The following UNC5A variants were observed in gnomAD, a reference collection of about 807,000 sequenced individuals.
UNC5A encodes netrin receptor UNC5A.
Under a neutral mutation model 87.4 loss-of-function variants are expected in UNC5A, and 20 were observed. The observed-to-expected ratio is 0.23, with a 90% CI of 0.16 to 0.33. The LOEUF (loss-of-function observed/expected upper bound fraction) is 0.33, where lower values mean the gene tolerates loss of function less well. UNC5A is among the 10% of genes least tolerant of loss of function. The pLI is 1.00. For missense variants in UNC5A, 844 were observed against 1,133.4 expected, an observed-to-expected ratio of 0.74 and a Z score of 3.67; for synonymous variants, 438 against 482.3, an observed-to-expected ratio of 0.91 and a Z score of 1.20.
At chr5:176,818,239 C>G (rs1489930795) in intron 1 of UNC5A, among the ~76,000 whole-genome samples, 1 of 152,180 alleles carries the variant, frequency 6.6e-6, no homozygotes, top group Non-Finnish European at 1.5e-5. Context: ...GTCCCCATAA[C>G]CCGAGCACCT....
rs1757265288 is a variant in UNC5A at position 176,841,084 on chromosome 5, G to A, written c.71-21540G>A. 6.6e-6 allele frequency among the ~76,000 whole-genome samples: 1 copy of A among 152,226 alleles called. No homozygotes were observed. The highest frequency in any genetic ancestry group is 2.1e-4 in the South Asian group (1 of 4,830). On this transcript the variant is annotated intron_variant, in intron 1 of 14. Coordinates refer to ENST00000329542, the MANE Select transcript of UNC5A (RefSeq NM_133369.3). This position sits in a 1 kb window ranked among gnomAD's most constrained non-coding sequence, Gnocchi z 4.1. ...GACTTGGTCATGCATTGAAAGCTGT[G>A]GCAGGCAACGGGAGTGTCAGAAACT...
chr5:176,827,573 T>C (rs1180574615), intron 1 of UNC5A, among the ~76,000 whole-genome samples: 2 of 152,212 alleles, frequency 1.3e-5, no homozygotes, highest in African/African-American at 4.8e-5. Flanking sequence ...ATTTGGGTCG[T>C]TTCTACCTTT....
chr5:176,820,908 G>T (rs1756711496), intron 1 of UNC5A, among the ~76,000 whole-genome samples: 1 of 152,168 alleles, frequency 6.6e-6, no homozygotes, highest in African/African-American at 2.4e-5. Context: ...TGCTCTTTAA[G>T]CTTCTGTTCC....
rs1757973035 is a variant in UNC5A, at chr5:176,866,298, C to T, written c.293-1832C>T. 6.6e-6 allele frequency among the ~76,000 whole-genome samples: 1 copy of T among 152,144 alleles called. No homozygotes were observed. The highest frequency in any genetic ancestry group is 1.5e-5 in the Non-Finnish European group (1 of 68,020). ...CAGCCCCCGCCTCAGGCACTGCCCT[C>T]CAGGAGCTTGTGGGGCTGAAGGGCA... is the stretch of plus-strand genomic sequence containing the variant. On this transcript the variant is annotated intron_variant, in intron 2 of 14. Coordinates refer to ENST00000329542, the MANE Select transcript of UNC5A (RefSeq NM_133369.3). This position sits in a 1 kb window ranked among gnomAD's most constrained non-coding sequence, Gnocchi z 5.0.
At chr5:176,853,586 T>C (rs937975342) in intron 1 of UNC5A, among the ~76,000 whole-genome samples, 1 of 152,194 alleles carries the variant, frequency 6.6e-6, no homozygotes, top group Non-Finnish European at 1.5e-5. Flanking sequence ...CACGTTACTA[T>C]GGAAACCAGA....
In UNC5A at chr5:176,877,918, G is replaced by A. The variant is rs1162836625; in HGVS notation, c.1660G>A (p.Ala554Thr). 3 of 1,602,384 alleles carry A rather than the reference G, an allele frequency of 1.9e-6. No homozygotes were observed. Among genetic ancestry groups the A allele is most frequent in the South Asian group, 1.1e-5 (1 of 90,990 alleles). The change falls in exon 11 of 15, where the codon GCG (alanine) becomes ACG (threonine). Residue 554 changes from alanine to threonine, a missense_variant. This residue lies in a region of UNC5A where 353 missense variants were observed against 387.5 expected (regional missense o/e 0.91). Transcript: ENST00000329542. ...GGATGTGCTGCACCTGGGCGAGGAG[G>A]CGCCCTCCCACCTCTACTACTGCCA... ...WEDVLHLGEE[A>T]PSHLYYCQLE...
chr5:176,817,310 T>C (rs1021242532), intron 1 of UNC5A, among the ~76,000 whole-genome samples: 28 of 151,604 alleles, frequency 1.8e-4, no homozygotes, highest in African/African-American at 6.3e-4. Context: ...GGGGAATCTG[T>C]CTAGATTGAC....
At chr5:176,828,074 T>G (rs1182231306) in intron 1 of UNC5A, among the ~76,000 whole-genome samples, 1 of 152,052 alleles carries the variant, frequency 6.6e-6, no homozygotes, top group East Asian at 1.9e-4. Context: ...TTTGTCCTCC[T>G]TCCCCCTCCT....
At chr5:176,831,842 A>G (rs1757031871) in intron 1 of UNC5A, among the ~76,000 whole-genome samples, 1 of 140,638 alleles carries the variant, frequency 7.1e-6, no homozygotes, top group East Asian at 2.0e-4. Flanking sequence ...TACCAACCTT[A>G]TTTTCTCCTA....
rs1003510997 is a variant in UNC5A at position 176,875,034 on chromosome 5, C to T, written c.1378+468C>T. Among the ~76,000 whole-genome samples the T allele has an allele frequency of 3.3e-5, 5 of 152,206 alleles. No individual in the cohort carries two copies. The highest frequency in any genetic ancestry group is 3.3e-4 in the Admixed American group (5 of 15,288). Reference sequence around the variant, plus strand: ...TGCAAGAAGTGGCTGCAGCCTCTGGCATGGCTGGCCACTCCCACCCGAAAT... The same window carrying T: ...TGCAAGAAGTGGCTGCAGCCTCTGGTATGGCTGGCCACTCCCACCCGAAAT... On this transcript the variant is annotated intron_variant, in intron 8 of 14. Coordinates refer to ENST00000329542, the MANE Select transcript of UNC5A (RefSeq NM_133369.3). The surrounding 1 kb of genome is among the most constrained non-coding windows in gnomAD (Gnocchi z 5.2).
At chr5:176,842,987 C>G (rs543221082) in intron 1 of UNC5A, among the ~76,000 whole-genome samples, 20 of 151,762 alleles carry the variant, frequency 1.3e-4, no homozygotes, top group Admixed American at 3.9e-4. Flanking sequence ...CATGGCAAAC[C>G]CTGTCTCTAC....
chr5:176,879,755 A>G lies in UNC5A; in HGVS notation c.2398A>G (p.Thr800Ala), dbSNP rs555730936. 1 of 1,613,124 alleles carries G rather than the reference A, an allele frequency of 6.2e-7. No individual in the cohort carries two copies. The highest frequency in any genetic ancestry group is 1.1e-5 in the South Asian group (1 of 91,058). ...LSFFASKPSP[T>A]AMILNLWEAR... ...CTTCTTTGCCTCCAAGCCCAGCCCC[A>G]CAGCCATGATCCTCAACCTGTGGGA... Residue 800 changes from threonine (T) to alanine (A), a missense_variant, in exon 15 of 15, where the codon ACA (threonine) becomes GCA (alanine). Coordinates refer to ENST00000329542, the MANE Select transcript of UNC5A (RefSeq NM_133369.3).
chr5:176,840,611 G>A (rs995953803), intron 1 of UNC5A, among the ~76,000 whole-genome samples: 10 of 152,300 alleles, frequency 6.6e-5, no homozygotes, highest in Non-Finnish European at 1.2e-4. Context: ...TCATGTGAGG[G>A]CCGGGGACCC....
chr5:176,868,394 G>A, intron 3 of UNC5A, 121 bp downstream of exon 3: 1 of 1,516,618 alleles, frequency 6.6e-7, no homozygotes, highest in Non-Finnish European at 9.0e-7. Context: ...CTGCCTGGAT[G>A]AGTGGATAAA....
chr5:176,877,643 G>T lies in UNC5A; in HGVS notation c.1575G>T (p.Glu525Asp). 1 of 1,612,322 alleles carries T rather than the reference G, an allele frequency of 6.2e-7. No homozygotes were observed. The highest frequency in any genetic ancestry group is 1.3e-5 in the African/African-American group (1 of 75,054). The change falls in exon 10 of 15, where the codon GAG (glutamate) becomes GAT (aspartate). Residue 525 changes from glutamate to aspartate, a missense_variant. Glu to Asp is a conservative substitution (Grantham distance 45). Around this residue, in one of 3 missense-constraint regions of UNC5A, gnomAD observed 353 missense variants for 387.5 expected, o/e 0.91. Coordinates refer to ENST00000329542, the MANE Select transcript of UNC5A (RefSeq NM_133369.3). The stretch of plus-strand genomic sequence containing the variant: ...TCCTGGCTATGGACCACTGTGGGGA[G>T]CCCAGCCCTGACAGCTGGAGCCTGC... ...PVILAMDHCG[E>D]PSPDSWSLRL...
At chr5:176,877,359 C>G (rs1190448858) in intron 9 of UNC5A, 80 bp downstream of exon 9, 5 of 1,419,738 alleles carry the variant, frequency 3.5e-6, no homozygotes, top group Non-Finnish European at 4.8e-6. Context: ...CCTGCCCACC[C>G]ACTGTTGTGC....
rs141543610 is a variant in UNC5A, at chr5:176,875,864, C to T, written c.1378+1298C>T. 9.8e-5 allele frequency among the ~76,000 whole-genome samples: 15 copies of T among 152,334 alleles called. No individual in the cohort carries two copies. The highest frequency in any genetic ancestry group is 4.1e-4 in the South Asian group (2 of 4,824). On this transcript the variant is annotated intron_variant, in intron 8 of 14. Coordinates refer to ENST00000329542, the MANE Select transcript of UNC5A (RefSeq NM_133369.3). This position sits in a 1 kb window ranked among gnomAD's most constrained non-coding sequence, Gnocchi z 5.2. ...AGCTGGGACTTCTCTTTTGGGTCCCCGCCTGACAGCTCTTGCCGTCTGTGC... is the reference window on the plus strand; with the variant it reads ...AGCTGGGACTTCTCTTTTGGGTCCCTGCCTGACAGCTCTTGCCGTCTGTGC...
intron 1 of UNC5A, among the ~76,000 whole-genome samples, chr5:176,853,411 C>T (rs752237791): frequency 6.6e-6 from 1 of 152,192 alleles, no homozygotes; most frequent in Non-Finnish European, 1.5e-5. Context: ...AGCGGTGCCG[C>T]CCCCGCCCTG....
Position 176,877,346 on chromosome 5 carries a change from C to A in UNC5A, c.1466+67C>A, listed in dbSNP as rs1758287763. On this transcript the variant is annotated intron_variant, in intron 9 of 14. Transcript: ENST00000329542. The stretch of plus-strand genomic sequence containing the variant: ...CCTGCTGCCTTCGGTCCCCAGGAAG[C>A]CCCCTGCCCACCCACTGTTGTGCCT... 5 of 1,456,054 alleles carry A rather than the reference C, an allele frequency of 3.4e-6. No individual in the cohort carries two copies. The Admixed American group carries it at 9.2e-5, about 27-fold the overall frequency. The allele number at this position is 1,456,054 out of a possible 1,614,324, so 90.2% of individuals were successfully genotyped here. A position where few individuals can be genotyped will look rare whatever the true frequency, so the allele number is the denominator to read the frequency against.
Sources: gnomAD v4.1 joint callset for allele counts (sites outside exome capture counted in the v4.1 genomes callset) on GRCh38, gnomAD v4.1.1 for gene constraint, gnomAD v4.1.1 regional missense constraint, Gnocchi (gnomAD v3.1) non-coding constraint, MANE v1.5 for transcripts, NCBI Gene and HGNC (gene_info 2026-07-23, HGNC 2026-07-21) for gene names.